The following CUX2 variants were observed in gnomAD, a reference collection of about 807,000 sequenced individuals.
CUX2 encodes the protein homeobox protein cut-like 2.
Under a neutral mutation model 144.8 loss-of-function variants are expected in CUX2, and 40 were observed. The observed-to-expected ratio is 0.28, with a 90% CI of 0.21 to 0.36. CUX2 has a LOEUF of 0.36. Ranked by LOEUF, CUX2 falls within the 10% of genes least tolerant of loss-of-function variation. The probability of loss-of-function intolerance (pLI) is 1.00; values close to 1 mark genes in which losing one functional copy is unlikely to be tolerated. For missense variants in CUX2, 1,615 were observed against 1,994.0 expected (o/e 0.81, Z 3.62); for synonymous variants, 827 against 875.6 (o/e 0.94, Z 0.98).
At chr12:111,288,205 T>C (rs1885492767) in intron 4 of CUX2, among the ~76,000 whole-genome samples, 1 of 151,974 alleles carries the variant, frequency 6.6e-6, no homozygotes, top group Non-Finnish European at 1.5e-5. Context: ...CTGGCAAAGG[T>C]TCTCGTGCAA....
In CUX2 at chr12:111,035,010, A is replaced by ACGGGCGGTGGAGGTGGGCC. The variant is rs1869357389; in HGVS notation, c.63+777_63+795dup. On this transcript the variant is annotated intron_variant, in intron 1 of 21. Coordinates refer to ENST00000261726, the MANE Select transcript of CUX2 (RefSeq NM_015267.4). This position sits in a 1 kb window ranked among gnomAD's most constrained non-coding sequence, Gnocchi z 6.0. ...ATCCCCTTCCCAAGTCTAGATGCAGACGGGCGGTGGAGGTGGGCCCGGGCG... is the reference window on the plus strand; with the variant it reads ...ATCCCCTTCCCAAGTCTAGATGCAGACGGGCGGTGGAGGTGGGCCCGGGCGGTGGAGGTGGGCCCGGGCG... Among the ~76,000 whole-genome samples, 1 of 152,030 alleles carries ACGGGCGGTGGAGGTGGGCC rather than the reference A, an allele frequency of 6.6e-6. No individual in the cohort carries two copies. The highest frequency in any genetic ancestry group is 1.9e-4 in the East Asian group (1 of 5,142).
chr12:111,338,653 T>C (rs1888455230), intron 20 of CUX2, among the ~76,000 whole-genome samples, 179 bp downstream of exon 20: 1 of 152,128 alleles, frequency 6.6e-6, no homozygotes, highest in African/African-American at 2.4e-5. Flanking sequence ...GCAGTGAAGA[T>C]ATTTACAGCC....
chr12:111,123,543 A>AT (rs111665969), intron 1 of CUX2, among the ~76,000 whole-genome samples: 1,844 of 144,510 alleles, frequency 0.013, 38 homozygotes, highest in African/African-American at 0.044. Context: ...AGCTCACTTA[A>AT]TTTTTTTTTT....
intron 1 of CUX2, among the ~76,000 whole-genome samples, chr12:111,209,709 A>C (rs1166405775): frequency 6.6e-6 from 1 of 152,072 alleles, no homozygotes; most frequent in Non-Finnish European, 1.5e-5. Context: ...GGCAGTGGGC[A>C]CTTCCAGGGG....
At chr12:111,102,205 G>C (rs1018518586) in intron 1 of CUX2, among the ~76,000 whole-genome samples, 1 of 152,172 alleles carries the variant, frequency 6.6e-6, no homozygotes, top group South Asian at 2.1e-4. Context: ...GGTGGGCCGC[G>C]CCAAATGCTG....
At chr12:111,345,256 T>C (rs576589889) in intron 21 of CUX2, among the ~76,000 whole-genome samples, 1 of 150,568 alleles carries the variant, frequency 6.6e-6, no homozygotes, top group Admixed American at 6.6e-5. Context: ...GAGACCATCC[T>C]GGCCAACGTG....
chr12:111,217,712 G>T (rs1881623759), intron 2 of CUX2, among the ~76,000 whole-genome samples, 178 bp from the exon 3 acceptor site: 1 of 152,192 alleles, frequency 6.6e-6, no homozygotes, highest in Non-Finnish European at 1.5e-5. Flanking sequence ...ACGTTTCCCA[G>T]TCTGGTGTGG....
intron 1 of CUX2, among the ~76,000 whole-genome samples, chr12:111,203,611 C>T (rs573765473): frequency 4.6e-5 from 7 of 151,868 alleles, no homozygotes; most frequent in South Asian, 2.1e-4. Context: ...CAGAGTGGGC[C>T]GGAGGGTGTA....
At chr12:111,248,499 G>A (rs919257892) in intron 3 of CUX2, among the ~76,000 whole-genome samples, 1 of 152,180 alleles carries the variant, frequency 6.6e-6, no homozygotes, top group African/African-American at 2.4e-5. Context: ...CTGCCTGGAA[G>A]CAGAAGTAGG....
intron 18 of CUX2, among the ~76,000 whole-genome samples, chr12:111,328,421 C>T (rs1224831389): frequency 1.3e-5 from 2 of 152,174 alleles, no homozygotes; most frequent in South Asian, 2.1e-4. Flanking sequence ...CGGGTATAAT[C>T]GGCGCTACCT....
intron 3 of CUX2, among the ~76,000 whole-genome samples, chr12:111,222,047 A>G (rs539711680): frequency 6.6e-6 from 1 of 152,364 alleles, no homozygotes; most frequent in South Asian, 2.1e-4. Context: ...AAGTTGCTTT[A>G]TGAAAGATAA....
At chr12:111,245,192 C>T (rs528545299) in intron 3 of CUX2, among the ~76,000 whole-genome samples, 3 of 152,024 alleles carry the variant, frequency 2.0e-5, no homozygotes, top group East Asian at 3.9e-4. Context: ...AAGTTTTGTT[C>T]TATGGTATGG....
intron 21 of CUX2, among the ~76,000 whole-genome samples, chr12:111,347,181 A>G (rs1451278305): frequency 6.6e-6 from 1 of 152,204 alleles, no homozygotes. Flanking sequence ...CTCAAGAGCC[A>G]TGTATGGCCA....
chr12:111,297,412 G>A (rs1312678224), intron 8 of CUX2, among the ~76,000 whole-genome samples: 1 of 152,158 alleles, frequency 6.6e-6, no homozygotes, highest in Admixed American at 6.5e-5. Context: ...AAGCACCTCT[G>A]CTCCTCACCC....
chr12:111,254,645 C>T (rs917821959), intron 3 of CUX2, among the ~76,000 whole-genome samples: 6 of 152,080 alleles, frequency 3.9e-5, no homozygotes, highest in East Asian at 1.9e-4. Flanking sequence ...AAAATGAATT[C>T]GTGACTTATA....
chr12:111,184,805 T>C (rs1028956899), intron 1 of CUX2, among the ~76,000 whole-genome samples: 3 of 151,438 alleles, frequency 2.0e-5, no homozygotes, highest in African/African-American at 7.3e-5. Context: ...GGCTCATGCC[T>C]GTAATCCCAG....
rs894959249 is a variant in CUX2 at position 111,349,579 on chromosome 12, T to C, written c.*1254T>C. Reference sequence around the variant, plus strand: ...CAAGTTCATCGCAGCATGTTCACCATATCCCAGCCTCCAAATCTATCCTCC... The same window carrying C: ...CAAGTTCATCGCAGCATGTTCACCACATCCCAGCCTCCAAATCTATCCTCC... On this transcript the variant is annotated 3_prime_UTR_variant, in exon 22 of 22. Coordinates refer to ENST00000261726, the MANE Select transcript of CUX2 (RefSeq NM_015267.4). 6.6e-6 allele frequency: 1 copy of C among 152,216 alleles called. No homozygotes were observed. Among genetic ancestry groups the C allele is most frequent in the Non-Finnish European group, 1.5e-5 (1 of 68,056 alleles). The allele number at this position is 152,216 out of a possible 1,614,324, so 9.4% of individuals were successfully genotyped here. A position where few individuals can be genotyped will look rare whatever the true frequency, so the allele number is the denominator to read the frequency against.
intron 1 of CUX2, among the ~76,000 whole-genome samples, chr12:111,048,082 G>T (rs980907048): frequency 6.6e-6 from 1 of 152,176 alleles, no homozygotes; most frequent in Non-Finnish European, 1.5e-5. Flanking sequence ...GAAGTCACAG[G>T]GGGAGGTGGT....
At chr12:111,344,415 G>T (rs534007925) in intron 21 of CUX2, among the ~76,000 whole-genome samples, 1 of 152,332 alleles carries the variant, frequency 6.6e-6, no homozygotes, top group Admixed American at 6.5e-5. Flanking sequence ...TGGTATTTGA[G>T]ATGGGTTTTG....
Sources: allele counts gnomAD v4.1 joint callset (sites outside exome capture counted in the v4.1 genomes callset), GRCh38; gene constraint gnomAD v4.1.1; non-coding constraint Gnocchi (gnomAD v3.1); transcripts MANE v1.5; gene names NCBI Gene and HGNC (gene_info 2026-07-23, HGNC 2026-07-21).